Variants in APP observed in about 807,000 individuals in gnomAD.
APP encodes amyloid-beta precursor protein.
APP carries 31 observed loss-of-function variants against 101.4 expected under a neutral mutation model. The observed-to-expected ratio is 0.31, with a 90% CI of 0.23 to 0.41. APP has a LOEUF of 0.41. APP is among the 10% of genes least tolerant of loss of function. The pLI, the probability that APP is intolerant of heterozygous loss-of-function variation, is 1.00. For missense variants in APP, 839 were observed against 1,003.7 expected, an observed-to-expected ratio of 0.84 and a Z score of 2.22; for synonymous variants, 366 against 364.4, an observed-to-expected ratio of 1.00 and a Z score of -0.05.
chr21:26,062,197 G>A lies in APP; in HGVS notation c.356-8849C>T, dbSNP rs1480247482. Among the ~76,000 whole-genome samples, 6 of 148,662 alleles carry A rather than the reference G, an allele frequency of 4.0e-5. No homozygotes were observed. The East Asian group carries it at 6.0e-4, about 15-fold the overall frequency. On this transcript the variant is annotated intron_variant, in intron 3 of 17. Transcript: ENST00000346798. ...TGCACTCCAGCATGGGTGACAGAGC[G>A]AGACTCTGTCTCAAAAAACAAACAA...
At chr21:25,949,884 T>G (rs1218919040) in intron 13 of APP, among the ~76,000 whole-genome samples, 1 of 152,198 alleles carries the variant, frequency 6.6e-6, no homozygotes, top group Non-Finnish European at 1.5e-5. Context: ...CACCCCACTT[T>G]CATCACTTTA....
intron 9 of APP, among the ~76,000 whole-genome samples, chr21:25,977,773 C>A (rs1028212159): frequency 6.6e-6 from 1 of 152,158 alleles, no homozygotes; most frequent in Non-Finnish European, 1.5e-5. Context: ...AAGAATAGAA[C>A]ATGGAAGAAA....
At chr21:26,028,341 AACAG>A (rs1335043479) in intron 5 of APP, among the ~76,000 whole-genome samples, 1 of 152,232 alleles carries the variant, frequency 6.6e-6, no homozygotes, top group Non-Finnish European at 1.5e-5. Context: ...CTGTATGAGT[AACAG>A]ACATACTGCA....
intron 1 of APP, among the ~76,000 whole-genome samples, chr21:26,148,718 T>C (rs895826067): frequency 1.3e-5 from 2 of 152,188 alleles, no homozygotes; most frequent in Admixed American, 6.5e-5. Flanking sequence ...CCAACAAATG[T>C]TACAAAGAGG....
intron 1 of APP, among the ~76,000 whole-genome samples, chr21:26,128,563 G>A (rs973218678): frequency 2.0e-5 from 3 of 152,158 alleles, no homozygotes; most frequent in South Asian, 2.1e-4. Flanking sequence ...TAAGACATTC[G>A]TTTCGAAGTA....
chr21:26,005,695 T>C (rs1029972010), intron 6 of APP, among the ~76,000 whole-genome samples: 1 of 152,232 alleles, frequency 6.6e-6, no homozygotes, highest in African/African-American at 2.4e-5. Flanking sequence ...AAGAGAGAGT[T>C]CAAATGCTTA....
At chr21:26,104,133 A>G (rs1338999995) in intron 2 of APP, among the ~76,000 whole-genome samples, 1 of 152,142 alleles carries the variant, frequency 6.6e-6, no homozygotes, top group Admixed American at 6.5e-5. Flanking sequence ...ATCTTTTCTT[A>G]TAAGGGCACT....
chr21:25,903,654 G>C (rs2146291611), intron 15 of APP, among the ~76,000 whole-genome samples: 1 of 152,258 alleles, frequency 6.6e-6, no homozygotes, highest in African/African-American at 2.4e-5. Flanking sequence ...CTGACCCTCA[G>C]CCCGAGGCCT....
In APP at chr21:26,031,535, A is replaced by G. The variant is rs186149573; in HGVS notation, c.663-9493T>C. Among the ~76,000 whole-genome samples, 258 of 152,284 alleles carry G rather than the reference A, an allele frequency of 1.7e-3. 3 individuals are homozygous for G. Among genetic ancestry groups the G allele is most frequent in the Middle Eastern group, 0.01 (3 of 294 alleles). Reference sequence around the variant, plus strand: ...CCTCAGAATCATGGCGGGAGGTGAAAGGCATTTCTTACATGGTGGCGGCAA... The same window carrying G: ...CCTCAGAATCATGGCGGGAGGTGAAGGGCATTTCTTACATGGTGGCGGCAA... On this transcript the variant is annotated intron_variant, in intron 5 of 17. Coordinates refer to ENST00000346798, the MANE Select transcript of APP (RefSeq NM_000484.4).
chr21:25,915,973 G>GTT (rs112703380), intron 13 of APP, among the ~76,000 whole-genome samples: 3 of 143,564 alleles, frequency 2.1e-5, no homozygotes, highest in Non-Finnish European at 4.6e-5. Flanking sequence ...CTTAGCCTTC[G>GTT]TTTTTTTTTT....
intron 16 of APP, among the ~76,000 whole-genome samples, chr21:25,896,101 GTGGT>G (rs1486971836): frequency 6.6e-6 from 1 of 152,094 alleles, no homozygotes; most frequent in Non-Finnish European, 1.5e-5. Flanking sequence ...CAACTCTTTA[GTGGT>G]TCCCCAGTTT....
intron 17 of APP, among the ~76,000 whole-genome samples, chr21:25,889,370 T>C (rs982892943): frequency 6.6e-6 from 1 of 152,178 alleles, no homozygotes; most frequent in Non-Finnish European, 1.5e-5. Context: ...ACCTGGCTGA[T>C]ACCTTGATCT....
At chr21:26,160,558 T>C (rs2146375141) in intron 1 of APP, among the ~76,000 whole-genome samples, 1 of 152,242 alleles carries the variant, frequency 6.6e-6, no homozygotes, top group African/African-American at 2.4e-5. Context: ...AATTGAAAAA[T>C]ACAATTCTTT....
chr21:26,090,752 C>T (rs974286058), intron 2 of APP, among the ~76,000 whole-genome samples: 3 of 152,106 alleles, frequency 2.0e-5, no homozygotes, highest in Non-Finnish European at 2.9e-5. Context: ...TCTCACTAAT[C>T]GGACAAACAT....
chr21:26,027,163 A>G (rs2044615984), intron 5 of APP, among the ~76,000 whole-genome samples: 1 of 152,186 alleles, frequency 6.6e-6, no homozygotes, highest in South Asian at 2.1e-4. Flanking sequence ...ACCTACTTGC[A>G]CTGATGAGGG....
chr21:25,946,154 CT>C (rs1282819103), intron 13 of APP, among the ~76,000 whole-genome samples: 2 of 152,110 alleles, frequency 1.3e-5, no homozygotes, highest in Non-Finnish European at 2.9e-5. Context: ...TCGTTGTAAC[CT>C]TGTTTCGGAC....
intron 1 of APP, among the ~76,000 whole-genome samples, chr21:26,115,568 C>T (rs1385383443): frequency 6.6e-6 from 1 of 152,218 alleles, no homozygotes; most frequent in Non-Finnish European, 1.5e-5. Context: ...CCCTGGCATT[C>T]AGCCAGAAGG....
At chr21:26,102,275 G>A (rs1198448035) in intron 2 of APP, among the ~76,000 whole-genome samples, 1 of 151,880 alleles carries the variant, frequency 6.6e-6, no homozygotes, top group Admixed American at 6.6e-5. Context: ...ATTTTTAGTA[G>A]AGACAGGGTT....
chr21:26,111,712 G>A (rs1361671869), intron 2 of APP, among the ~76,000 whole-genome samples: 3 of 152,006 alleles, frequency 2.0e-5, no homozygotes, highest in Admixed American at 6.6e-5. Flanking sequence ...ACTCCAACCT[G>A]GGTGACAGAG....
Sources: allele counts gnomAD v4.1 joint callset (sites outside exome capture counted in the v4.1 genomes callset), GRCh38; gene constraint gnomAD v4.1.1; transcripts MANE v1.5; gene names NCBI Gene and HGNC (gene_info 2026-07-23, HGNC 2026-07-21).